PAPPA: variants seen among roughly 807,000 people sequenced by gnomAD.
PAPPA encodes the protein pappalysin 1.
PAPPA carries 60 observed loss-of-function variants against 164.0 expected under a neutral mutation model. That is an observed-to-expected ratio of 0.37 (90% CI 0.30 to 0.45). The LOEUF is 0.45. PAPPA is among the 20% of genes least tolerant of loss of function. The pLI is 1.00. For missense variants in PAPPA, 1,782 were observed against 2,087.3 expected (o/e 0.85, Z 2.85); for synonymous variants, 875 against 814.1 (o/e 1.07, Z -1.27).
chr9:116,220,244 A>C (rs1844427584), intron 5 of PAPPA, 115 bp downstream of exon 5: 1 of 757,828 alleles, frequency 1.3e-6, no homozygotes, highest in African/African-American at 1.7e-5. Context: ...GTTCTTGTTC[A>C]AAAGGTATCT....
intron 7 of PAPPA, among the ~76,000 whole-genome samples, chr9:116,247,031 A>T (rs1235454433): frequency 6.6e-6 from 1 of 151,742 alleles, no homozygotes; most frequent in East Asian, 1.9e-4. Context: ...CTCCAAGAAT[A>T]AAAAAAAGAG....
chr9:116,243,497 C>A (rs1007689303), intron 7 of PAPPA, among the ~76,000 whole-genome samples: 2 of 152,112 alleles, frequency 1.3e-5, no homozygotes, highest in Non-Finnish European at 2.9e-5. Flanking sequence ...GAGATAAGGT[C>A]ATTGATTTAA....
chr9:116,274,797 T>C (rs187573004), intron 9 of PAPPA, among the ~76,000 whole-genome samples: 1 of 152,354 alleles, frequency 6.6e-6, no homozygotes, highest in East Asian at 1.9e-4. Flanking sequence ...CCCCGTCTTC[T>C]GGGTAGCTTG....
At chr9:116,221,848 C>A (rs1411064917) in intron 5 of PAPPA, among the ~76,000 whole-genome samples, 3 of 152,066 alleles carry the variant, frequency 2.0e-5, no homozygotes, top group Non-Finnish European at 4.4e-5. Flanking sequence ...ACACAAATGG[C>A]CAACAGCTAT....
At chr9:116,238,850 C>T (rs941764101) in intron 7 of PAPPA, among the ~76,000 whole-genome samples, 1 of 152,156 alleles carries the variant, frequency 6.6e-6, no homozygotes, top group Non-Finnish European at 1.5e-5. Flanking sequence ...CCTACCATTT[C>T]AACTCCTTTA....
chr9:116,337,308 G>C (rs1846073746), intron 13 of PAPPA, among the ~76,000 whole-genome samples: 1 of 152,156 alleles, frequency 6.6e-6, no homozygotes, highest in Admixed American at 6.5e-5. Flanking sequence ...ACCTCCTCCT[G>C]AGTGCCCCAG....
chr9:116,237,270 A>C (rs919090954), intron 7 of PAPPA, among the ~76,000 whole-genome samples: 1 of 152,226 alleles, frequency 6.6e-6, no homozygotes, highest in Non-Finnish European at 1.5e-5. Context: ...GAACTCAGAA[A>C]GAGCACTTGG....
intron 20 of PAPPA, among the ~76,000 whole-genome samples, chr9:116,380,112 A>C (rs545515302): frequency 1.3e-5 from 2 of 152,318 alleles, no homozygotes; most frequent in South Asian, 4.1e-4. Context: ...AGCTCTTATC[A>C]GAGTTGAAAT....
At chr9:116,344,835 A>C (rs1420056912) in intron 14 of PAPPA, 124 bp downstream of exon 14, 1 of 727,586 alleles carries the variant, frequency 1.4e-6, no homozygotes. Context: ...GTAGGTGCTC[A>C]ATAAATATTT....
At chr9:116,300,604 G>A (rs1845569098) in intron 9 of PAPPA, among the ~76,000 whole-genome samples, 1 of 152,170 alleles carries the variant, frequency 6.6e-6, no homozygotes, top group South Asian at 2.1e-4. Flanking sequence ...TATTTCACTG[G>A]GTAAACTGTT....
intron 8 of PAPPA, among the ~76,000 whole-genome samples, chr9:116,267,130 G>C (rs537699514): frequency 2.0e-5 from 3 of 152,210 alleles, no homozygotes; most frequent in African/African-American, 7.2e-5. Context: ...GAATCAACTC[G>C]TAGGAGTAGT....
chr9:116,285,511 C>A (rs1043898688), intron 9 of PAPPA, among the ~76,000 whole-genome samples: 13 of 152,164 alleles, frequency 8.5e-5, no homozygotes, highest in African/African-American at 3.1e-4. Flanking sequence ...ACAGTGTCCC[C>A]CTGCTGGAAT....
At chr9:116,165,916 T>C (rs1179871008) in intron 1 of PAPPA, among the ~76,000 whole-genome samples, 2 of 152,242 alleles carry the variant, frequency 1.3e-5, no homozygotes, top group African/African-American at 2.4e-5. Flanking sequence ...CCTGGAATTA[T>C]GACATTTAAT....
chr9:116,321,219 G>T (rs190633311), intron 10 of PAPPA, among the ~76,000 whole-genome samples: 9 of 152,024 alleles, frequency 5.9e-5, no homozygotes, highest in Admixed American at 2.6e-4. Context: ...AGTAGAGACA[G>T]GGTTTCACCG....
At chr9:116,382,298 A>G in intron 20 of PAPPA, 97 bp from the exon 21 acceptor site, 1 of 777,250 alleles carries the variant, frequency 1.3e-6, no homozygotes, top group East Asian at 2.5e-5. Context: ...GAAGGCTGTG[A>G]AAAGATGACA....
At chr9:116,168,993 G>A (rs982920969) in intron 1 of PAPPA, among the ~76,000 whole-genome samples, 12 of 152,104 alleles carry the variant, frequency 7.9e-5, no homozygotes, top group African/African-American at 2.7e-4. Flanking sequence ...TTAAATGAAC[G>A]AACAGATTAG....
chr9:116,287,079 T>C (rs559871112), intron 9 of PAPPA: 4 of 152,210 alleles, frequency 2.6e-5, no homozygotes, highest in Non-Finnish European at 5.9e-5. Context: ...CCATTCAAAA[T>C]AGATTAACTG....
At chr9:116,157,402 C>T (rs1843616848) in intron 1 of PAPPA, among the ~76,000 whole-genome samples, 1 of 152,040 alleles carries the variant, frequency 6.6e-6, no homozygotes, top group African/African-American at 2.4e-5. Context: ...TATACTAATA[C>T]ATAAAAAAAG....
intron 1 of PAPPA, among the ~76,000 whole-genome samples, chr9:116,168,638 A>G (rs1318472894): frequency 6.6e-6 from 1 of 152,220 alleles, no homozygotes; most frequent in African/African-American, 2.4e-5. Context: ...ATAGTCATGT[A>G]TGTAATTTTA....
Sources: gnomAD v4.1 joint callset for allele counts (sites outside exome capture counted in the v4.1 genomes callset) on GRCh38, gnomAD v4.1.1 for gene constraint, MANE v1.5 for transcripts, NCBI Gene and HGNC (gene_info 2026-07-23, HGNC 2026-07-21) for gene names.